The following GLT1D1 variants were observed in gnomAD, a reference collection of about 807,000 sequenced individuals.
GLT1D1 encodes glycosyltransferase 1 domain containing 1, also known as glycosyltransferase 1 domain-containing protein 1.
Under a neutral mutation model 28.7 loss-of-function variants are expected in GLT1D1, and 21 were observed. That is an observed-to-expected ratio of 0.73 (90% confidence interval 0.52 to 1.05). GLT1D1 has a LOEUF of 1.05. Ranked by LOEUF, GLT1D1 falls within the 50% of genes least tolerant of loss-of-function variation. GLT1D1 has a pLI of 0.00. For synonymous variants in GLT1D1, 147 were observed against 124.8 expected (o/e 1.18, Z -1.19); for missense variants, 343 against 330.6 (o/e 1.04, Z -0.29).
At chr12:128,942,739 G>GTTT (rs199567989) in intron 4 of GLT1D1, among the ~76,000 whole-genome samples, 1,581 of 100,922 alleles carry the variant, frequency 0.016, 251 homozygotes, top group Admixed American at 0.02. Flanking sequence ...TTCTTTGTTT[G>GTTT]TTTGTTTTTG....
chr12:128,974,201 G>A (rs370758743), intron 7 of GLT1D1, among the ~76,000 whole-genome samples: 2 of 152,072 alleles, frequency 1.3e-5, no homozygotes, highest in South Asian at 2.1e-4. Context: ...ACATGCAGTC[G>A]GGACCCACCT....
intron 4 of GLT1D1, chr12:128,926,436 C>A: frequency 6.6e-7 from 1 of 1,522,670 alleles, no homozygotes; most frequent in Non-Finnish European, 8.8e-7. Context: ...TCCTCTCTAT[C>A]TGGTGGACGC....
intron 1 of GLT1D1, among the ~76,000 whole-genome samples, chr12:128,855,638 C>A (rs1798913): frequency 0.92 from 140,195 of 152,022 alleles, 65,533 homozygotes; most frequent in Non-Finnish European, 1. Flanking sequence ...CTTGCACAAG[C>A]AAGAATTCAG....
intron 7 of GLT1D1, among the ~76,000 whole-genome samples, chr12:128,960,795 G>A (rs1431713397): frequency 6.6e-6 from 1 of 151,510 alleles, no homozygotes; most frequent in Non-Finnish European, 1.5e-5. Context: ...ATTTCAATAT[G>A]CGTTAGAACC....
chr12:128,940,826 C>G (rs1390753200), intron 4 of GLT1D1, among the ~76,000 whole-genome samples: 1 of 152,170 alleles, frequency 6.6e-6, no homozygotes, highest in Non-Finnish European at 1.5e-5. Flanking sequence ...ACGAAATTCA[C>G]CATTTTAGAG....
intron 7 of GLT1D1, among the ~76,000 whole-genome samples, chr12:128,982,181 A>G (rs1160180951): frequency 1.3e-5 from 2 of 152,142 alleles, no homozygotes; most frequent in Non-Finnish European, 2.9e-5. Flanking sequence ...AGGCCAGAAA[A>G]GCAAAGAGCT....
At chr12:128,904,088 GC>G (rs1870588994) in intron 4 of GLT1D1, among the ~76,000 whole-genome samples, 1 of 151,688 alleles carries the variant, frequency 6.6e-6, no homozygotes, top group South Asian at 2.1e-4. Flanking sequence ...AGTAGAGTGA[GC>G]CCTTTATGTG....
intron 2 of GLT1D1, among the ~76,000 whole-genome samples, chr12:128,878,100 A>G (rs897529813): frequency 7.9e-5 from 12 of 152,220 alleles, no homozygotes; most frequent in Non-Finnish European, 8.8e-5. Context: ...GAATCCCACA[A>G]TATCCTTCTG....
At chr12:128,969,349 G>A (rs1420324511) in intron 7 of GLT1D1, among the ~76,000 whole-genome samples, 1 of 151,820 alleles carries the variant, frequency 6.6e-6, no homozygotes, top group Non-Finnish European at 1.5e-5. Flanking sequence ...CTTTTCTAAA[G>A]TGGTTCTTCT....
At chr12:128,960,047 C>T (rs1403497437) in intron 7 of GLT1D1, among the ~76,000 whole-genome samples, 4 of 152,168 alleles carry the variant, frequency 2.6e-5, no homozygotes, top group African/African-American at 9.6e-5. Flanking sequence ...AAATCATTAT[C>T]GTGCCGCCGA....
intron 4 of GLT1D1, among the ~76,000 whole-genome samples, chr12:128,904,049 T>C (rs1490049156): frequency 2.0e-5 from 3 of 151,748 alleles, no homozygotes; most frequent in African/African-American, 7.3e-5. Context: ...TTAAAGAAAT[T>C]TTCAGGCATG....
At position 128,982,916 on chromosome 12, in the gene GLT1D1, T is replaced by C; in HGVS notation, c.640-13T>C. ...TCAGTGATTTATGTCTACTTCTCCT[T>C]CCTTTTTTGCAGGAGTTTGTTCATC... On this transcript the variant is annotated splice_polypyrimidine_tract_variant and intron_variant, in intron 7 of 7. Coordinates refer to ENST00000281703, the MANE Select transcript of GLT1D1 (RefSeq NM_144669.3). The C allele has an allele frequency of 6.2e-7, 1 of 1,613,528 alleles. No homozygotes were observed. The highest frequency in any genetic ancestry group is 8.5e-7 in the Non-Finnish European group (1 of 1,179,444).
At chr12:128,979,722 C>T (rs1276141507) in intron 7 of GLT1D1, among the ~76,000 whole-genome samples, 2 of 151,854 alleles carry the variant, frequency 1.3e-5, no homozygotes, top group Non-Finnish European at 2.9e-5. Flanking sequence ...CACTCTACTC[C>T]AGCCTGGGTA....
In GLT1D1 at chr12:128,967,730, G is replaced by A. The variant is rs140745578; in HGVS notation, c.639+10087G>A. On this transcript the variant is annotated intron_variant, in intron 7 of 7. Coordinates refer to ENST00000281703, the MANE Select transcript of GLT1D1 (RefSeq NM_144669.3). ...GTTACGTTCTACTTACGGATTTGGG[G>A]AGGCCACTGGCCAACATTATGTAAC... is the stretch of plus-strand genomic sequence containing the variant. 4.1e-4 allele frequency among the ~76,000 whole-genome samples: 63 copies of A among 152,362 alleles called. No homozygotes were observed. The Middle Eastern group carries it at 0.014, about 33-fold the overall frequency.
At chr12:128,923,642 C>A (rs1296706386) in intron 4 of GLT1D1, among the ~76,000 whole-genome samples, 2 of 152,044 alleles carry the variant, frequency 1.3e-5, no homozygotes, top group Non-Finnish European at 2.9e-5. Context: ...CTGCCTCAGC[C>A]TCCCCAGTAG....
intron 1 of GLT1D1, among the ~76,000 whole-genome samples, chr12:128,857,797 G>A (rs1956259698): frequency 6.6e-6 from 1 of 152,152 alleles, no homozygotes; most frequent in South Asian, 2.1e-4. Context: ...AAAAGAAGGG[G>A]TTCTATTCTT....
chr12:128,880,340 A>T (rs562158676), intron 2 of GLT1D1, among the ~76,000 whole-genome samples: 1 of 152,330 alleles, frequency 6.6e-6, no homozygotes, highest in African/African-American at 2.4e-5. Flanking sequence ...AATCAATTAC[A>T]TTGCTCAATC....
At position 128,906,625 on chromosome 12, in the gene GLT1D1, C is replaced by CA. The variant is rs932876437; in HGVS notation, c.375+7346dup. Among the ~76,000 whole-genome samples the CA allele has an allele frequency of 6.0e-5, 9 of 149,934 alleles. No individual in the cohort carries two copies. In the East Asian group the frequency reaches 1.4e-3, roughly 23 times the overall value. On this transcript the variant is annotated intron_variant, in intron 4 of 7. Coordinates refer to ENST00000281703, the MANE Select transcript of GLT1D1 (RefSeq NM_144669.3). ...GCTTGAAGCAGTTATCAAATTCAAACAAAAAAAAGCACAGTGTCATTCATA... is the reference window on the plus strand; with the variant it reads ...GCTTGAAGCAGTTATCAAATTCAAACAAAAAAAAAGCACAGTGTCATTCATA...
chr12:128,983,655 T>C lies in GLT1D1; in HGVS notation c.*565T>C, dbSNP rs1880541567. On this transcript the variant is annotated 3_prime_UTR_variant, in exon 8 of 8. Coordinates refer to ENST00000281703, the MANE Select transcript of GLT1D1 (RefSeq NM_144669.3). The surrounding 1 kb of genome is among the most constrained non-coding windows in gnomAD (Gnocchi z 4.7). ...GCTCACGCCCGGCACAGCTCACTTT[T>C]CAATGGTGGAATTGAAAGTTGTGCT... The C allele has an allele frequency of 6.6e-6, 1 of 152,290 alleles. No homozygotes were observed. Among genetic ancestry groups the C allele is most frequent in the Non-Finnish European group, 1.5e-5 (1 of 68,108 alleles). The allele number at this position is 152,290 out of a possible 1,614,324, so 9.4% of individuals were successfully genotyped here. A position where few individuals can be genotyped will look rare whatever the true frequency, so the allele number is the denominator to read the frequency against.
Sources: allele counts gnomAD v4.1 joint callset (sites outside exome capture counted in the v4.1 genomes callset), GRCh38; gene constraint gnomAD v4.1.1; non-coding constraint Gnocchi (gnomAD v3.1); transcripts MANE v1.5; gene names NCBI Gene and HGNC (gene_info 2026-07-23, HGNC 2026-07-21).